PHACTR1: variants seen among roughly 807,000 people sequenced by gnomAD.
PHACTR1 encodes phosphatase and actin regulator 1.
A neutral mutation model predicts 69.2 loss-of-function variants in PHACTR1; 16 were observed. That is an observed-to-expected ratio of 0.23 (90% CI 0.16 to 0.35). The LOEUF is 0.35. Ranked by LOEUF, PHACTR1 falls within the 10% of genes least tolerant of loss-of-function variation. The probability of loss-of-function intolerance (pLI) is 1.00; values close to 1 mark genes in which losing one functional copy is unlikely to be tolerated. For synonymous variants in PHACTR1, 312 were observed against 284.5 expected, an observed-to-expected ratio of 1.10 and a Z score of -0.97; for missense variants, 510 against 734.7, an observed-to-expected ratio of 0.69 and a Z score of 3.54.
intron 4 of PHACTR1, among the ~76,000 whole-genome samples, chr6:13,013,782 G>A (rs1799742006): frequency 6.7e-6 from 1 of 150,116 alleles, no homozygotes; most frequent in Admixed American, 6.6e-5. Flanking sequence ...CTTATATAGA[G>A]CGGCCGGCGC....
Position 13,283,381 on chromosome 6 carries a change from C to A in PHACTR1, c.1510-41C>A. On this transcript the variant is annotated intron_variant, in intron 12 of 14. Transcript: ENST00000332995. The surrounding 1 kb of genome is among the most constrained non-coding windows in gnomAD (Gnocchi z 4.7). ...AGACAGGACCAAGTGCCATGGTCAA[C>A]CCTTCTGGCTGACTGGGTCCATCTC... 1 of 1,591,760 alleles carries A rather than the reference C, an allele frequency of 6.3e-7. No homozygotes were observed. Among genetic ancestry groups the A allele is most frequent in the Non-Finnish European group, 8.6e-7 (1 of 1,167,172 alleles).
chr6:12,933,913 C>A, intron 4 of PHACTR1: 2 of 1,610,454 alleles, frequency 1.2e-6, no homozygotes, highest in South Asian at 2.2e-5. Flanking sequence ...ACTCTTTGGT[C>A]CATATGGGAA....
chr6:13,064,717 C>T (rs1402121279), intron 5 of PHACTR1, among the ~76,000 whole-genome samples: 2 of 148,060 alleles, frequency 1.4e-5, no homozygotes, highest in East Asian at 2.0e-4. Flanking sequence ...GATGAGGAGA[C>T]GTCTCATGAA....
At chr6:12,803,042 A>G (rs1465217422) in intron 4 of PHACTR1, among the ~76,000 whole-genome samples, 1 of 152,242 alleles carries the variant, frequency 6.6e-6, no homozygotes, top group African/African-American at 2.4e-5. Flanking sequence ...CACGTGTGTT[A>G]AAATTCCAGG....
At chr6:12,954,012 A>G (rs895896593) in intron 4 of PHACTR1, among the ~76,000 whole-genome samples, 2 of 152,244 alleles carry the variant, frequency 1.3e-5, no homozygotes, top group African/African-American at 2.4e-5. Context: ...GACATAGGTG[A>G]GGAAACTGTT....
At chr6:12,967,658 T>C (rs999520754) in intron 4 of PHACTR1, among the ~76,000 whole-genome samples, 1 of 152,124 alleles carries the variant, frequency 6.6e-6, no homozygotes, top group Non-Finnish European at 1.5e-5. Flanking sequence ...ACCTAAGAAA[T>C]CTTTGATCTC....
At chr6:12,871,116 T>C (rs991786473) in intron 4 of PHACTR1, among the ~76,000 whole-genome samples, 3 of 152,100 alleles carry the variant, frequency 2.0e-5, no homozygotes, top group African/African-American at 4.8e-5. Flanking sequence ...TGATAGCAAC[T>C]AAGAAAGTTG....
At chr6:12,828,544 A>G (rs1777057120) in intron 4 of PHACTR1, among the ~76,000 whole-genome samples, 1 of 152,170 alleles carries the variant, frequency 6.6e-6, no homozygotes, top group Non-Finnish European at 1.5e-5. Flanking sequence ...AATCCACACC[A>G]GAGACCTTTG....
intron 4 of PHACTR1, among the ~76,000 whole-genome samples, chr6:12,774,486 G>A (rs1769789041): frequency 6.6e-6 from 1 of 152,060 alleles, no homozygotes; most frequent in African/African-American, 2.4e-5. Context: ...CCGCCTCCAG[G>A]GTTCAAGCAA....
chr6:13,198,750 C>T (rs1764781156), intron 7 of PHACTR1, among the ~76,000 whole-genome samples: 1 of 152,158 alleles, frequency 6.6e-6, no homozygotes, highest in South Asian at 2.1e-4. Context: ...GCCGGTTGGA[C>T]AACCTTGCCA....
At chr6:12,799,004 T>C (rs1387827916) in intron 4 of PHACTR1, among the ~76,000 whole-genome samples, 3 of 152,226 alleles carry the variant, frequency 2.0e-5, no homozygotes, top group South Asian at 4.1e-4. Flanking sequence ...TTCTTTCCTT[T>C]GTGAAGATCT....
intron 4 of PHACTR1, among the ~76,000 whole-genome samples, chr6:12,899,032 C>A (rs1784948025): frequency 6.6e-6 from 1 of 152,168 alleles, no homozygotes; most frequent in African/African-American, 2.4e-5. Context: ...ATGCAGCTTC[C>A]CTGGTAAAGC....
intron 4 of PHACTR1, among the ~76,000 whole-genome samples, chr6:13,008,748 A>G (rs1799119700): frequency 6.6e-6 from 1 of 152,254 alleles, no homozygotes. Flanking sequence ...CACTTTGTAG[A>G]TGAGCTTGCA....
At chr6:12,915,049 G>T (rs749855526) in intron 4 of PHACTR1, among the ~76,000 whole-genome samples, 3 of 152,228 alleles carry the variant, frequency 2.0e-5, no homozygotes, top group Non-Finnish European at 4.4e-5. Flanking sequence ...TGTCTTGTCT[G>T]CATAAAGACG....
At chr6:12,878,407 C>G (rs1782754585) in intron 4 of PHACTR1, among the ~76,000 whole-genome samples, 1 of 152,206 alleles carries the variant, frequency 6.6e-6, no homozygotes, top group Non-Finnish European at 1.5e-5. Flanking sequence ...TAATTCAACT[C>G]CTGTACTTTA....
intron 4 of PHACTR1, among the ~76,000 whole-genome samples, chr6:13,038,709 G>C (rs995721842): frequency 1.3e-5 from 2 of 152,124 alleles, no homozygotes; most frequent in Non-Finnish European, 1.5e-5. Flanking sequence ...ACTTAAAATA[G>C]TAATAACTAA....
At chr6:12,874,678 G>T (rs1359324344) in intron 4 of PHACTR1, among the ~76,000 whole-genome samples, 1 of 152,120 alleles carries the variant, frequency 6.6e-6, no homozygotes, top group Non-Finnish European at 1.5e-5. Flanking sequence ...TCCAAATGTG[G>T]TATCAAACTG....
intron 4 of PHACTR1, among the ~76,000 whole-genome samples, chr6:12,866,907 C>T (rs540947939): frequency 1.2e-4 from 18 of 152,188 alleles, no homozygotes; most frequent in South Asian, 8.3e-4. Flanking sequence ...TACGTGGTAC[C>T]GTATGGATTT....
chr6:13,266,641 A>G (rs1415796635), intron 10 of PHACTR1: 1 of 152,656 alleles, frequency 6.6e-6, no homozygotes, highest in African/African-American at 2.4e-5. Context: ...GCTTCCAATC[A>G]TGGTGGAAAA....
Sources: gnomAD v4.1 joint callset for allele counts (sites outside exome capture counted in the v4.1 genomes callset) on GRCh38, gnomAD v4.1.1 for gene constraint, Gnocchi (gnomAD v3.1) non-coding constraint, MANE v1.5 for transcripts, NCBI Gene and HGNC (gene_info 2026-07-23, HGNC 2026-07-21) for gene names.